The following CSMD3 variants were observed in gnomAD, a reference collection of about 807,000 sequenced individuals.
CSMD3 encodes the protein CUB and Sushi multiple domains 3.
CSMD3 carries 177 observed loss-of-function variants against 435.2 expected under a neutral mutation model. That is an observed-to-expected ratio of 0.41 (90% confidence interval 0.36 to 0.46). The LOEUF (loss-of-function observed/expected upper bound fraction) is 0.46. Ranked by LOEUF, CSMD3 falls within the 20% of genes least tolerant of loss-of-function variation. The pLI is 0.34. For synonymous variants in CSMD3, 1,656 were observed against 1,520.5 expected (o/e 1.09, Z -2.07); for missense variants, 4,265 against 4,504.6 (o/e 0.95, Z 1.52).
chr8:112,723,449 A>G (rs1249694410), intron 13 of CSMD3, among the ~76,000 whole-genome samples: 1 of 152,158 alleles, frequency 6.6e-6, no homozygotes, highest in Admixed American at 6.6e-5. Flanking sequence ...GAAGGCAGCA[A>G]ATGGCTTAGT....
intron 58 of CSMD3, among the ~76,000 whole-genome samples, chr8:112,283,715 G>A (rs1362113967): frequency 2.6e-5 from 4 of 151,304 alleles, no homozygotes; most frequent in Non-Finnish European, 5.9e-5. Flanking sequence ...ATTTAGTTAG[G>A]CTTGGTTTTA....
At chr8:113,130,642 T>G (rs971342236) in intron 4 of CSMD3, among the ~76,000 whole-genome samples, 5 of 152,104 alleles carry the variant, frequency 3.3e-5, no homozygotes, top group Non-Finnish European at 5.9e-5. Context: ...TACAGAAAAT[T>G]TGTACTTGGA....
intron 13 of CSMD3, among the ~76,000 whole-genome samples, chr8:112,759,545 T>TA (rs1368567322): frequency 6.6e-6 from 1 of 152,086 alleles, no homozygotes; most frequent in East Asian, 1.9e-4. Flanking sequence ...ATTTGGTTCT[T>TA]ACTACATGAT....
chr8:112,440,397 G>A (rs1056257003), intron 32 of CSMD3, among the ~76,000 whole-genome samples: 2 of 152,106 alleles, frequency 1.3e-5, no homozygotes, highest in Non-Finnish European at 1.5e-5. Flanking sequence ...CCTCCTGGCT[G>A]CTTTCATGAC....
At chr8:112,496,872 A>C (rs1821405937) in intron 30 of CSMD3, among the ~76,000 whole-genome samples, 1 of 152,084 alleles carries the variant, frequency 6.6e-6, no homozygotes, top group East Asian at 1.9e-4. Flanking sequence ...AGAATGAATA[A>C]GATCCAGTAT....
rs2131612390 is a variant in CSMD3, at chr8:112,645,127, C to T, written c.3292G>A (p.Asp1098Asn). 6.3e-7 allele frequency: 1 copy of T among 1,575,520 alleles called. No homozygotes were observed. Among genetic ancestry groups the T allele is most frequent in the East Asian group, 2.2e-5 (1 of 44,680 alleles). Reference protein sequence around the residue: ...PNSLNCTWTVDVTHGKGVQFN... With the variant: ...PNSLNCTWTVNVTHGKGVQFN... ...AAATTACCTTTTCCATGGGTTACAT[C>T]AACAGTCCATGTACAATTCAGAGAA... is the stretch of plus-strand genomic sequence containing the variant. Residue 1098 changes from aspartate to asparagine, a missense_variant, in exon 20 of 71, where the codon GAT (aspartate) becomes AAT (asparagine). Asp to Asn is a conservative substitution (Grantham distance 23). Around this residue, in one of 3 missense-constraint regions of CSMD3, gnomAD observed 3,255 missense variants for 3,380.2 expected, o/e 0.96. Transcript: ENST00000297405.
chr8:113,214,929 T>C (rs781306216), intron 3 of CSMD3, among the ~76,000 whole-genome samples: 2 of 151,936 alleles, frequency 1.3e-5, no homozygotes, highest in East Asian at 1.9e-4. Context: ...GAATTCTATA[T>C]ATAACAAGGT....
At chr8:113,008,967 TG>T (rs1184979211) in intron 6 of CSMD3, among the ~76,000 whole-genome samples, 1 of 151,470 alleles carries the variant, frequency 6.6e-6, no homozygotes, top group African/African-American at 2.4e-5. Context: ...AAAAATAAAA[TG>T]TAAAATATAT....
chr8:113,376,528 G>C, intron 1 of CSMD3: 1 of 559,158 alleles, frequency 1.8e-6, no homozygotes, highest in Non-Finnish European at 3.1e-6. Context: ...TCTGTCTTCT[G>C]TCTTTTCTGT....
At chr8:112,602,907 A>G (rs1345271903) in intron 22 of CSMD3, among the ~76,000 whole-genome samples, 1 of 152,078 alleles carries the variant, frequency 6.6e-6, no homozygotes, top group African/African-American at 2.4e-5. Flanking sequence ...AGCAATTCAC[A>G]TTTTTGGGTA....
At chr8:113,026,819 G>A (rs1206365269) in intron 5 of CSMD3, among the ~76,000 whole-genome samples, 1 of 151,980 alleles carries the variant, frequency 6.6e-6, no homozygotes, top group South Asian at 2.1e-4. Context: ...CAACTCCCCT[G>A]GCTAAAATTT....
chr8:113,221,552 C>A (rs2092967013), intron 3 of CSMD3, among the ~76,000 whole-genome samples: 1 of 150,910 alleles, frequency 6.6e-6, no homozygotes, highest in Non-Finnish European at 1.5e-5. Flanking sequence ...TAAAGAGACC[C>A]CAGGTTATCT....
At chr8:113,116,340 T>A (rs2090828771) in intron 4 of CSMD3, among the ~76,000 whole-genome samples, 1 of 152,156 alleles carries the variant, frequency 6.6e-6, no homozygotes, top group African/African-American at 2.4e-5. Context: ...AGTTTATGCC[T>A]TCGCTCGATT....
At chr8:113,031,982 C>T (rs941609986) in intron 5 of CSMD3, among the ~76,000 whole-genome samples, 1 of 151,518 alleles carries the variant, frequency 6.6e-6, no homozygotes, top group African/African-American at 2.4e-5. Context: ...CTCCTGCTGC[C>T]CTGTAAGAAA....
chr8:113,015,403 T>C (rs1319571051), intron 6 of CSMD3, among the ~76,000 whole-genome samples: 1 of 151,900 alleles, frequency 6.6e-6, no homozygotes, highest in African/African-American at 2.4e-5. Flanking sequence ...CTGTAAAATA[T>C]TTGCCTGCAT....
intron 7 of CSMD3, among the ~76,000 whole-genome samples, chr8:112,960,037 T>C (rs1006327054): frequency 1.3e-5 from 2 of 151,886 alleles, no homozygotes; most frequent in African/African-American, 4.8e-5. Context: ...TAAAGACTAA[T>C]GTCATCAGAA....
At chr8:112,310,079 G>T (rs1821822958) in intron 50 of CSMD3, 1 of 152,054 alleles carries the variant, frequency 6.6e-6, no homozygotes, top group African/African-American at 2.4e-5. Flanking sequence ...ATAATATAAT[G>T]AATTAAGTAT....
chr8:112,492,749 G>A (rs778781564), intron 30 of CSMD3, 66 bp from the exon 31 acceptor site: 12 of 1,271,946 alleles, frequency 9.4e-6, no homozygotes, highest in African/African-American at 1.5e-5. Flanking sequence ...TAATACATGG[G>A]TTCTGCATCT....
At chr8:113,036,654 C>T (rs2087365122) in intron 5 of CSMD3, among the ~76,000 whole-genome samples, 1 of 152,042 alleles carries the variant, frequency 6.6e-6, no homozygotes, top group Admixed American at 6.6e-5. Context: ...CTTTCTCCCT[C>T]TGAAAATCAA....
Sources: gnomAD v4.1 joint callset for allele counts (sites outside exome capture counted in the v4.1 genomes callset) on GRCh38, gnomAD v4.1.1 for gene constraint, gnomAD v4.1.1 regional missense constraint, MANE v1.5 for transcripts, NCBI Gene and HGNC (gene_info 2026-07-23, HGNC 2026-07-21) for gene names.